LRRC37A2: variants seen among roughly 807,000 people sequenced by gnomAD.
LRRC37A2 encodes the protein leucine-rich repeat-containing protein 37A2.
A neutral mutation model predicts 68.8 loss-of-function variants in LRRC37A2; 9 were observed. That is an observed-to-expected ratio of 0.13 (90% CI 0.08 to 0.23). LRRC37A2 has a LOEUF of 0.23. Ranked by LOEUF, LRRC37A2 falls within the 10% of genes least tolerant of loss-of-function variation. LRRC37A2 has a pLI of 1.00. For missense variants in LRRC37A2, 168 were observed against 950.4 expected (o/e 0.18, Z 10.82); for synonymous variants, 63 against 367.6 (o/e 0.17, Z 9.48).
the LRRC37A2 span, chr17:47,018,804 C>T: frequency 2.6e-6 from 4 of 1,521,078 alleles, no homozygotes; most frequent in Non-Finnish European, 3.6e-6. Context: ...AGAGCATTCA[C>T]CCCTGACTCA....
the LRRC37A2 span, among the ~76,000 whole-genome samples, chr17:46,828,957 A>C: frequency 1.2e-3 from 184 of 152,150 alleles, 1 homozygote; most frequent in African/African-American, 4.3e-3. Flanking sequence ...TCTCAAAAAC[A>C]AAAACAAAAC....
chr17:46,935,131 A>T, the LRRC37A2 span: 1 of 1,614,086 alleles, frequency 6.2e-7, no homozygotes, highest in Non-Finnish European at 8.5e-7. Flanking sequence ...TGGGCACAAT[A>T]TTTTAGATGG....
At chr17:46,842,872 C>A in the LRRC37A2 span, among the ~76,000 whole-genome samples, 12,430 of 152,284 alleles carry the variant, frequency 0.082, 581 homozygotes, top group Non-Finnish European at 0.099. Context: ...TTCATCTTCA[C>A]ATTTCTCACC....
chr17:46,607,902 T>TG, the LRRC37A2 span, among the ~76,000 whole-genome samples: 2 of 131,396 alleles, frequency 1.5e-5, 1 homozygote, highest in Non-Finnish European at 3.0e-5. Flanking sequence ...ATAGTTGGGG[T>TG]GGGGGAAGTG....
the LRRC37A2 span, among the ~76,000 whole-genome samples, chr17:46,811,629 G>A: frequency 2.6e-5 from 4 of 152,156 alleles, no homozygotes; most frequent in Non-Finnish European, 4.4e-5. Flanking sequence ...CAGGGTGCCC[G>A]AAGGAGAGCG....
the LRRC37A2 span, among the ~76,000 whole-genome samples, chr17:46,690,452 C>CA: frequency 2.6e-4 from 5 of 18,918 alleles, no homozygotes; most frequent in African/African-American, 9.3e-4. Flanking sequence ...AAAAAAAATA[C>CA]AAAAAAAAAA....
chr17:46,880,298 C>G, the LRRC37A2 span, among the ~76,000 whole-genome samples: 1 of 152,236 alleles, frequency 6.6e-6, no homozygotes, highest in Admixed American at 6.5e-5. Flanking sequence ...GCTTTTGAAC[C>G]TTTCCTTTCT....
the LRRC37A2 span, among the ~76,000 whole-genome samples, chr17:46,747,270 A>C: frequency 6.6e-6 from 1 of 152,176 alleles, no homozygotes; most frequent in Non-Finnish European, 1.5e-5. Flanking sequence ...TCATTTTTGC[A>C]ATCTATAATA....
the LRRC37A2 span, among the ~76,000 whole-genome samples, chr17:46,725,398 C>A: frequency 6.6e-6 from 1 of 151,976 alleles, no homozygotes; most frequent in Non-Finnish European, 1.5e-5. Context: ...AGGGATGGTG[C>A]ATAGGAAAAC....
At chr17:47,043,430 C>G in the LRRC37A2 span, among the ~76,000 whole-genome samples, 1 of 149,570 alleles carries the variant, frequency 6.7e-6, no homozygotes, top group South Asian at 2.1e-4. Context: ...ACCCGGGAGG[C>G]GGAGATTGCA....
intron 12 of LRRC37A2, chr17:46,553,919 TGGGAAA>T (rs2057085350): frequency 1.4e-6 from 1 of 736,738 alleles, no homozygotes. Flanking sequence ...TTGGAGGCTC[TGGGAAA>T]GGGGAAGGGA....
chr17:46,729,109 A>G, the LRRC37A2 span, among the ~76,000 whole-genome samples: 1 of 152,176 alleles, frequency 6.6e-6, no homozygotes, highest in Non-Finnish European at 1.5e-5. Flanking sequence ...TTTTATCAAC[A>G]GAATTTTTCC....
At chr17:46,779,849 C>T in the LRRC37A2 span, among the ~76,000 whole-genome samples, 1 of 152,118 alleles carries the variant, frequency 6.6e-6, no homozygotes, top group Non-Finnish European at 1.5e-5. Flanking sequence ...ACCTCTGCCT[C>T]CCAAGTTCAA....
At chr17:46,869,922 C>T in the LRRC37A2 span, among the ~76,000 whole-genome samples, 3 of 152,024 alleles carry the variant, frequency 2.0e-5, no homozygotes, top group Non-Finnish European at 4.4e-5. Context: ...TTGCTTGAAC[C>T]CGGGAAGTGG....
chr17:46,821,865 G>A, the LRRC37A2 span, among the ~76,000 whole-genome samples: 1 of 152,216 alleles, frequency 6.6e-6, no homozygotes, highest in African/African-American at 2.4e-5. Flanking sequence ...GACCCCCTGC[G>A]GAGGCACCGT....
the LRRC37A2 span, among the ~76,000 whole-genome samples, chr17:46,657,603 T>A: frequency 7.9e-6 from 1 of 127,144 alleles, no homozygotes; most frequent in African/African-American, 3.0e-5. Flanking sequence ...TTCTTCAAGT[T>A]TCAGCTTGAT....
At chr17:46,844,922 A>T in the LRRC37A2 span, among the ~76,000 whole-genome samples, 1 of 151,648 alleles carries the variant, frequency 6.6e-6, no homozygotes, top group South Asian at 2.1e-4. Context: ...ATCTCTGCTC[A>T]CTGCAACCTC....
chr17:46,747,305 GA>G, the LRRC37A2 span, among the ~76,000 whole-genome samples: 19 of 152,138 alleles, frequency 1.2e-4, no homozygotes, highest in African/African-American at 4.6e-4. Flanking sequence ...TTTTGAGACA[GA>G]GTCTCACTTT....
At chr17:47,025,716 G>T in the LRRC37A2 span, among the ~76,000 whole-genome samples, 7 of 135,734 alleles carry the variant, frequency 5.2e-5, no homozygotes, top group Non-Finnish European at 7.8e-5. Context: ...AGGTGTGTAT[G>T]TCATTAATCC....
Sources: allele counts gnomAD v4.1 joint callset (sites outside exome capture counted in the v4.1 genomes callset), GRCh38; gene constraint gnomAD v4.1.1; transcripts MANE v1.5; gene names NCBI Gene and HGNC (gene_info 2026-07-23, HGNC 2026-07-21).